Variants in RTKN2 observed in about 807,000 individuals in gnomAD.
The protein encoded by RTKN2 is rhotekin-2.
In RTKN2, 69 loss-of-function variants were observed where a neutral mutation model predicts 71.5. The ratio of observed to expected loss-of-function variants is 0.96; its 90% CI spans 0.79 to 1.18. The LOEUF (loss-of-function observed/expected upper bound fraction) is 1.18, where lower values mean the gene tolerates loss of function less well. Ranked by LOEUF, RTKN2 falls within the 50% of genes most tolerant of loss-of-function variation. RTKN2 has a pLI of 0.00. For synonymous variants in RTKN2, 236 were observed against 236.5 expected (o/e 1.00, Z 0.02); for missense variants, 724 against 719.7 (o/e 1.01, Z -0.07).
At chr10:62,243,900 A>G (rs1842429385) in intron 3 of RTKN2, among the ~76,000 whole-genome samples, 2 of 152,148 alleles carry the variant, frequency 1.3e-5, no homozygotes, top group Non-Finnish European at 2.9e-5. Context: ...TGGTGAACTG[A>G]TTTGGTTTAT....
chr10:62,262,482 T>G, intron 2 of RTKN2, 143 bp downstream of exon 2: 1 of 562,838 alleles, frequency 1.8e-6, no homozygotes, highest in Non-Finnish European at 3.1e-6. Context: ...GCAAACTGTT[T>G]ATGATGTCAG....
intron 2 of RTKN2, among the ~76,000 whole-genome samples, chr10:62,247,111 T>C (rs1842493488): frequency 6.6e-6 from 1 of 152,014 alleles, no homozygotes; most frequent in Admixed American, 6.6e-5. Context: ...ATTGTTTGAT[T>C]CTAAGAAGGC....
At chr10:62,237,603 A>C (rs1842285072) in intron 5 of RTKN2, among the ~76,000 whole-genome samples, 1 of 151,856 alleles carries the variant, frequency 6.6e-6, no homozygotes, top group Admixed American at 6.6e-5. Flanking sequence ...ATTTTCTGAA[A>C]TGACTGTTCT....
chr10:62,227,085 C>T (rs140383925), intron 6 of RTKN2, among the ~76,000 whole-genome samples: 49 of 152,232 alleles, frequency 3.2e-4, no homozygotes, highest in African/African-American at 1.2e-3. Context: ...AAAAGATTAT[C>T]GACAATAAGT....
At chr10:62,184,971 T>C (rs1841111385) in intron 8 of RTKN2, among the ~76,000 whole-genome samples, 1 of 152,140 alleles carries the variant, frequency 6.6e-6, no homozygotes, top group South Asian at 2.1e-4. Flanking sequence ...AGTTAACAGG[T>C]AAACCACTAA....
At chr10:62,234,878 C>T (rs1235236487) in intron 6 of RTKN2, among the ~76,000 whole-genome samples, 1 of 152,078 alleles carries the variant, frequency 6.6e-6, no homozygotes, top group Non-Finnish European at 1.5e-5. Context: ...TTAACATCAT[C>T]AATTTTAACA....
rs549579418 is a variant in RTKN2 at position 62,234,299 on chromosome 10, C to A, written c.686+1767G>T. ...CAGCACTTTGGGAAGCTGAGGCAAG[C>A]GGATTGCTTGAGCCCATGAGGTTGA... is the stretch of plus-strand genomic sequence containing the variant. On this transcript the variant is annotated intron_variant, in intron 6 of 11. Transcript: ENST00000373789. Among the ~76,000 whole-genome samples, 3 of 152,042 alleles carry A rather than the reference C, an allele frequency of 2.0e-5. No homozygotes were observed. The East Asian group carries it at 5.8e-4, about 29-fold the overall frequency.
chr10:62,230,347 A>AT (rs1048639267), intron 6 of RTKN2, among the ~76,000 whole-genome samples: 39 of 149,980 alleles, frequency 2.6e-4, no homozygotes, highest in Admixed American at 6.0e-4. Context: ...AATTTTTTGT[A>AT]TTTTTTTTTA....
rs1389358107 is a variant in RTKN2, at chr10:62,262,694, G to A, written c.188C>T (p.Ala63Val). ...HAVKNLMVCN[A>V]RLMAYTSELQ... is the part of the protein sequence containing the mutation. The stretch of plus-strand genomic sequence containing the variant: ...CTCCGATGTATAGGCCATTAGTCGA[G>A]CATTGCACACCATGAGATTCTTAAC... Residue 63 changes from alanine to valine, a missense_variant, in exon 2 of 12, where the codon GCT becomes GTT. Physicochemically the swap from Ala to Val is moderately conservative, Grantham distance 64 (BLOSUM62 0). Transcript: ENST00000373789. 2 of 1,613,412 alleles carry A rather than the reference G, an allele frequency of 1.2e-6. No individual in the cohort carries two copies. Among genetic ancestry groups the A allele is most frequent in the African/African-American group, 1.3e-5 (1 of 74,886 alleles).
At chr10:62,251,914 T>C (rs1471229230) in intron 2 of RTKN2, among the ~76,000 whole-genome samples, 2 of 151,408 alleles carry the variant, frequency 1.3e-5, no homozygotes, top group African/African-American at 4.9e-5. Context: ...AGAGACATAG[T>C]AAATGGGAAT....
At chr10:62,218,080 C>G (rs944461386) in intron 8 of RTKN2, 115 bp downstream of exon 8, 3 of 661,314 alleles carry the variant, frequency 4.5e-6, no homozygotes, top group Non-Finnish European at 7.7e-6. Flanking sequence ...AGAAAACTGA[C>G]ATTTAAAAAA....
chr10:62,194,037 T>TA lies in RTKN2; in HGVS notation c.*3870dup, dbSNP rs909801457. 4 of 983,698 alleles carry TA rather than the reference T, an allele frequency of 4.1e-6. No homozygotes were observed. The Admixed American group carries it at 1.8e-4, about 45-fold the overall frequency. The allele number at this position is 983,698 out of a possible 1,614,324, so 60.9% of individuals were successfully genotyped here. A position where few individuals can be genotyped will look rare whatever the true frequency, so the allele number is the denominator to read the frequency against. On this transcript the variant is annotated 3_prime_UTR_variant, in exon 12 of 12. Coordinates refer to ENST00000373789, the MANE Select transcript of RTKN2 (RefSeq NM_145307.4). ...TCTTTTAATGTACAGAAGTTTCAATTACATGACTTGGGCTCGCTTACCAAA... is the reference window on the plus strand; with the variant it reads ...TCTTTTAATGTACAGAAGTTTCAATTAACATGACTTGGGCTCGCTTACCAAA...
intron 2 of RTKN2, among the ~76,000 whole-genome samples, chr10:62,261,654 A>AAAAT (rs1449271224): frequency 6.6e-6 from 1 of 152,188 alleles, no homozygotes; most frequent in Admixed American, 6.5e-5. Context: ...CTGTCTTTAA[A>AAAAT]AAATAAATAA....
intron 8 of RTKN2, among the ~76,000 whole-genome samples, chr10:62,186,723 A>C (rs1841142240): frequency 6.6e-6 from 1 of 151,188 alleles, no homozygotes; most frequent in Non-Finnish European, 1.5e-5. Flanking sequence ...TGGTTATTTT[A>C]CTGCTGGTTA....
chr10:62,204,695 A>T (rs564509375), intron 10 of RTKN2, among the ~76,000 whole-genome samples, 162 bp downstream of exon 10: 1 of 152,296 alleles, frequency 6.6e-6, no homozygotes, highest in Admixed American at 6.5e-5. Flanking sequence ...CTGGAAAGAG[A>T]TTGACAGAAA....
chr10:62,189,721 G>A (rs1367084333), downstream of RTKN2, among the ~76,000 whole-genome samples: 2 of 152,174 alleles, frequency 1.3e-5, no homozygotes, highest in South Asian at 2.1e-4. Flanking sequence ...AGCTACTCGG[G>A]AGGCTGAGGG....
At position 62,196,787 on chromosome 10, in the gene RTKN2, G is replaced by A; in HGVS notation, c.*1121C>T. ...AGATTTTTAAAACTGTTCTGCTCTT[G>A]TTTACAAAAAGCATTATTATAAAAA... On this transcript the variant is annotated 3_prime_UTR_variant, in exon 12 of 12. Transcript: ENST00000373789. The A allele has an allele frequency of 4.1e-6, 4 of 976,334 alleles. No individual in the cohort carries two copies. The allele number at this position is 976,334 out of a possible 1,614,324, so 60.5% of individuals were successfully genotyped here.
At chr10:62,238,901 T>C (rs1356045805) in intron 5 of RTKN2, 3 of 152,070 alleles carry the variant, frequency 2.0e-5, no homozygotes, top group Admixed American at 1.3e-4. Flanking sequence ...TATTAACATT[T>C]AGATCTAAAG....
chr10:62,209,182 C>T (rs1421770539), intron 9 of RTKN2, among the ~76,000 whole-genome samples: 3 of 151,982 alleles, frequency 2.0e-5, no homozygotes, highest in Non-Finnish European at 2.9e-5. Flanking sequence ...GCAGGAGAAT[C>T]GCTTAAACTT....
Sources: gnomAD v4.1 joint callset for allele counts (sites outside exome capture counted in the v4.1 genomes callset) on GRCh38, gnomAD v4.1.1 for gene constraint, MANE v1.5 for transcripts, NCBI Gene and HGNC (gene_info 2026-07-23, HGNC 2026-07-21) for gene names.